The following GRM1 variants were observed in gnomAD, a reference collection of about 807,000 sequenced individuals.
GRM1 encodes the protein glutamate metabotropic receptor 1.
GRM1 carries 33 observed loss-of-function variants against 90.9 expected under a neutral mutation model. That is an observed-to-expected ratio of 0.36 (90% CI 0.28 to 0.49). GRM1 has a LOEUF of 0.49. GRM1 is among the 20% of genes least tolerant of loss of function. The pLI is 0.99. For synonymous variants in GRM1, 700 were observed against 613.2 expected, an observed-to-expected ratio of 1.14 and a Z score of -2.09; for missense variants, 1,190 against 1,534.3, an observed-to-expected ratio of 0.78 and a Z score of 3.75.
intron 1 of GRM1, among the ~76,000 whole-genome samples, chr6:146,096,067 T>C (rs1776864232): frequency 6.6e-6 from 1 of 152,170 alleles, no homozygotes; most frequent in South Asian, 2.1e-4. Context: ...TAGTCTCTTG[T>C]TTTAATCAGT....
intron 1 of GRM1, among the ~76,000 whole-genome samples, chr6:146,061,846 C>T (rs1266907451): frequency 6.6e-6 from 1 of 152,048 alleles, no homozygotes; most frequent in South Asian, 2.1e-4. Flanking sequence ...CAGGAAACAG[C>T]AAATGCTGGA....
At chr6:146,402,731 T>C (rs1583449282) in intron 7 of GRM1, among the ~76,000 whole-genome samples, 1 of 152,302 alleles carries the variant, frequency 6.6e-6, no homozygotes, top group African/African-American at 2.4e-5. Context: ...TCCAACGGCA[T>C]TCTCATGACA....
chr6:146,132,686 T>C (rs1273298228), intron 1 of GRM1, among the ~76,000 whole-genome samples: 2 of 152,204 alleles, frequency 1.3e-5, no homozygotes, highest in Non-Finnish European at 2.9e-5. Flanking sequence ...TTCCTAATCC[T>C]TCAGAATCAA....
At chr6:146,275,595 A>G (rs1023164619) in intron 2 of GRM1, among the ~76,000 whole-genome samples, 1 of 151,360 alleles carries the variant, frequency 6.6e-6, no homozygotes, top group Non-Finnish European at 1.5e-5. Context: ...ATCCCTATCC[A>G]TAAGTTTATC....
Position 146,397,473 on chromosome 6 carries a change from CAAAAAAAAAAG to C in GRM1, c.1730-1285_1730-1275del, listed in dbSNP as rs1485731395. On this transcript the variant is annotated intron_variant, in intron 6 of 7. Coordinates refer to ENST00000282753, the MANE Select transcript of GRM1 (RefSeq NM_001278064.2). The stretch of plus-strand genomic sequence containing the variant: ...TGGGCAACAGAGTGAGACCCCGTCT[CAAAAAAAAAAG>C]AAAAAAAAAAAAAAAAAAAAAGCAC... Among the ~76,000 whole-genome samples, 16 of 16,772 alleles carry C rather than the reference CAAAAAAAAAAG, an allele frequency of 9.5e-4. No homozygotes were observed. In the East Asian group the frequency reaches 0.01, roughly 11 times the overall value. The allele number at this position is 16,772 out of a possible 152,430, so 11.0% of individuals were successfully genotyped here. A position where few individuals can be genotyped will look rare whatever the true frequency, so the allele number is the denominator to read the frequency against.
chr6:146,207,746 T>C (rs1349908252), intron 2 of GRM1, among the ~76,000 whole-genome samples: 1 of 152,186 alleles, frequency 6.6e-6, no homozygotes, highest in Non-Finnish European at 1.5e-5. Context: ...AAGAAGATAT[T>C]TGGGGTCAAA....
In GRM1 at chr6:146,118,114, ATTTTTTATTCT is replaced by A. The variant is rs1261188061; in HGVS notation, c.701-41227_701-41217del. Among the ~76,000 whole-genome samples the A allele has an allele frequency of 1.0e-3, 131 of 131,346 alleles. 1 individual carries two copies. The highest frequency in any genetic ancestry group is 3.6e-3 in the African/African-American group (126 of 35,354). The allele number at this position is 131,346 out of a possible 152,430, so 86.2% of individuals were successfully genotyped here. A position where few individuals can be genotyped will look rare whatever the true frequency, so the allele number is the denominator to read the frequency against. ...ATATCTGACATACATTTATTTATTTATTTTTTATTCTTTTTTTCTTCTTTTCTTTTTTTTTT... is the reference window on the plus strand; with the variant it reads ...ATATCTGACATACATTTATTTATTTATTTTTTCTTCTTTTCTTTTTTTTTT... On this transcript the variant is annotated intron_variant, in intron 1 of 7. Coordinates refer to ENST00000282753, the MANE Select transcript of GRM1 (RefSeq NM_001278064.2).
intron 2 of GRM1, among the ~76,000 whole-genome samples, chr6:146,295,810 T>A (rs1471849722): frequency 6.6e-6 from 1 of 152,162 alleles, no homozygotes; most frequent in African/African-American, 2.4e-5. Context: ...GAGTTTGTTG[T>A]ACAGATTATT....
At chr6:146,139,043 G>A (rs779468880) in intron 1 of GRM1, among the ~76,000 whole-genome samples, 15 of 151,200 alleles carry the variant, frequency 9.9e-5, no homozygotes, top group Non-Finnish European at 1.9e-4. Context: ...CATTTGTTTC[G>A]AGAAATTTTT....
At chr6:146,354,345 A>G (rs1389722617) in intron 4 of GRM1, among the ~76,000 whole-genome samples, 1 of 144,662 alleles carries the variant, frequency 6.9e-6, no homozygotes, top group East Asian at 2.1e-4. Flanking sequence ...CCTAGGCTCA[A>G]TAAGGGTCAG....
intron 2 of GRM1, among the ~76,000 whole-genome samples, chr6:146,200,750 A>G (rs943927675): frequency 6.6e-6 from 1 of 152,150 alleles, no homozygotes; most frequent in Admixed American, 6.5e-5. Flanking sequence ...AAGGGAGCAT[A>G]AGGTGGAGAG....
At position 146,436,907 on chromosome 6, in the gene GRM1, C is replaced by G. The variant is rs1217041946; in HGVS notation, c.*2111C>G. 5 of 152,574 alleles carry G rather than the reference C, an allele frequency of 3.3e-5. No individual in the cohort carries two copies. The highest frequency in any genetic ancestry group is 7.4e-5 in the Non-Finnish European group (5 of 68,008). 9.5% of individuals were successfully genotyped at this position (152,574 alleles called of 1,614,324 possible). A position where few individuals can be genotyped will look rare whatever the true frequency, so the allele number is the denominator to read the frequency against. On this transcript the variant is annotated 3_prime_UTR_variant, in exon 8 of 8. Coordinates refer to ENST00000282753, the MANE Select transcript of GRM1 (RefSeq NM_001278064.2). ...TTAACATCCATTCCAATGTTGGAGG[C>G]TTGTATTACTTATATTTCATCATAT...
intron 5 of GRM1, among the ~76,000 whole-genome samples, chr6:146,367,932 A>G (rs1775754759): frequency 6.6e-6 from 1 of 151,948 alleles, no homozygotes; most frequent in Admixed American, 6.6e-5. Flanking sequence ...TAAGGATTGC[A>G]TTAAATCTGT....
At chr6:146,411,677 C>T (rs1214540185) in intron 7 of GRM1, among the ~76,000 whole-genome samples, 1 of 151,980 alleles carries the variant, frequency 6.6e-6, no homozygotes, top group African/African-American at 2.4e-5. Flanking sequence ...TGACCTGTGG[C>T]TTTGACAGGT....
At chr6:146,165,590 C>T (rs965646274) in intron 2 of GRM1, among the ~76,000 whole-genome samples, 2 of 152,120 alleles carry the variant, frequency 1.3e-5, no homozygotes, top group African/African-American at 4.8e-5. Flanking sequence ...ATGACTTGGC[C>T]TTTTCTCAGC....
intron 2 of GRM1, among the ~76,000 whole-genome samples, chr6:146,163,154 T>C (rs974161329): frequency 3.3e-5 from 5 of 152,166 alleles, no homozygotes; most frequent in African/African-American, 1.2e-4. Flanking sequence ...TCTGTTGTTA[T>C]GAAATATAGC....
intron 2 of GRM1, among the ~76,000 whole-genome samples, chr6:146,294,690 C>G (rs772939179): frequency 6.6e-6 from 1 of 151,980 alleles, no homozygotes; most frequent in Admixed American, 6.6e-5. Flanking sequence ...CACATAGAGG[C>G]GAGAGATTTC....
At chr6:146,243,710 C>T (rs559699013) in intron 2 of GRM1, among the ~76,000 whole-genome samples, 4 of 152,154 alleles carry the variant, frequency 2.6e-5, no homozygotes, top group South Asian at 2.1e-4. Context: ...GGGCACGCAT[C>T]GTCATTGATA....
At chr6:146,324,502 C>T (rs1235413733) in intron 3 of GRM1, among the ~76,000 whole-genome samples, 2 of 152,176 alleles carry the variant, frequency 1.3e-5, no homozygotes, top group Non-Finnish European at 2.9e-5. Context: ...AGCTCAGTGT[C>T]TGCCCAAACA....
Sources: gnomAD v4.1 joint callset for allele counts (sites outside exome capture counted in the v4.1 genomes callset) on GRCh38, gnomAD v4.1.1 for gene constraint, MANE v1.5 for transcripts, NCBI Gene and HGNC (gene_info 2026-07-23, HGNC 2026-07-21) for gene names.